The following CYRIA variants were observed in gnomAD, a reference collection of about 807,000 sequenced individuals.
CYRIA encodes CYFIP related Rac1 interactor A.
CYRIA carries 15 observed loss-of-function variants against 43.9 expected under a neutral mutation model. The ratio of observed to expected loss-of-function variants is 0.34; its 90% CI spans 0.23 to 0.53. CYRIA has a LOEUF of 0.53. CYRIA is among the 20% of genes least tolerant of loss of function. The probability of loss-of-function intolerance (pLI) is 0.94; values close to 1 mark genes in which losing one functional copy is unlikely to be tolerated. For synonymous variants in CYRIA, 117 were observed against 136.0 expected, an observed-to-expected ratio of 0.86 and a Z score of 0.97; for missense variants, 236 against 394.2, an observed-to-expected ratio of 0.60 and a Z score of 3.40.
chr2:16,665,708 G>T (rs1280160989), intron 1 of CYRIA, 72 bp downstream of exon 1: 2 of 146,002 alleles, frequency 1.4e-5, no homozygotes, highest in East Asian at 2.0e-4. Flanking sequence ...GCGGTGCCCC[G>T]TGCAGGCCGA....
chr2:16,556,198 A>T (rs1249936743), intron 10 of CYRIA, among the ~76,000 whole-genome samples: 1 of 152,088 alleles, frequency 6.6e-6, no homozygotes, highest in African/African-American at 2.4e-5. Flanking sequence ...TTACGGCCTG[A>T]TAGACCCTGA....
chr2:16,621,076 C>G (rs1668978034), intron 2 of CYRIA, among the ~76,000 whole-genome samples: 1 of 152,178 alleles, frequency 6.6e-6, no homozygotes, highest in Non-Finnish European at 1.5e-5. Context: ...CCTGGTAAAA[C>G]CAGAAGCAAC....
At chr2:16,611,454 C>A (rs1292560761) in intron 2 of CYRIA, among the ~76,000 whole-genome samples, 1 of 152,186 alleles carries the variant, frequency 6.6e-6, no homozygotes, top group Non-Finnish European at 1.5e-5. Flanking sequence ...TAAAACATGG[C>A]TCTTGCAGTA....
chr2:16,661,776 G>A (rs1670262124), intron 1 of CYRIA, among the ~76,000 whole-genome samples: 1 of 152,268 alleles, frequency 6.6e-6, no homozygotes, highest in Non-Finnish European at 1.5e-5. Flanking sequence ...GGCACAAAGA[G>A]CAAGCAGAAC....
At chr2:16,574,380 A>AG (rs1175707883) in intron 3 of CYRIA, among the ~76,000 whole-genome samples, 1 of 152,250 alleles carries the variant, frequency 6.6e-6, no homozygotes, top group Non-Finnish European at 1.5e-5. Context: ...GTGATAGAAA[A>AG]GAAAATCCCA....
intron 2 of CYRIA, among the ~76,000 whole-genome samples, chr2:16,605,892 G>A (rs1668380800): frequency 1.3e-5 from 2 of 152,162 alleles, no homozygotes; most frequent in Non-Finnish European, 2.9e-5. Flanking sequence ...TCTCCTTGCT[G>A]AGATACTTGG....
chr2:16,658,853 A>C (rs527599886), intron 1 of CYRIA, among the ~76,000 whole-genome samples: 17 of 152,190 alleles, frequency 1.1e-4, no homozygotes, highest in Non-Finnish European at 2.2e-4. Flanking sequence ...GTCACTCTGT[A>C]AGCTGAGAAC....
chr2:16,588,429 TAA>T (rs74552750), intron 2 of CYRIA, among the ~76,000 whole-genome samples: 1 of 140,262 alleles, frequency 7.1e-6, no homozygotes. Flanking sequence ...GTTCACCATA[TAA>T]AAAAAAAAAA....
intron 1 of CYRIA, among the ~76,000 whole-genome samples, chr2:16,662,599 C>T (rs76351857): frequency 0.025 from 3,809 of 152,282 alleles, 78 homozygotes; most frequent in Non-Finnish European, 0.041. Flanking sequence ...AAGTTGGAAC[C>T]GGAGACTTCT....
At chr2:16,630,526 T>C (rs10198461) in intron 1 of CYRIA, among the ~76,000 whole-genome samples, 29,105 of 152,054 alleles carry the variant, frequency 0.19, 3,536 homozygotes, top group East Asian at 0.52. Context: ...TTAAGGTGAG[T>C]GCACCCATGT....
intron 2 of CYRIA, among the ~76,000 whole-genome samples, chr2:16,614,718 G>A (rs1668720672): frequency 6.6e-6 from 1 of 152,200 alleles, no homozygotes; most frequent in Admixed American, 6.5e-5. Flanking sequence ...GTACTCAGTG[G>A]AAGATGGAAA....
intron 1 of CYRIA, among the ~76,000 whole-genome samples, chr2:16,628,357 C>G (rs1004043839): frequency 2.3e-4 from 35 of 152,284 alleles, no homozygotes; most frequent in Admixed American, 6.5e-4. Context: ...TCTGAACCAC[C>G]ATTTATCGGA....
intron 3 of CYRIA, among the ~76,000 whole-genome samples, chr2:16,584,478 T>C (rs1199563471): frequency 6.6e-6 from 1 of 152,206 alleles, no homozygotes; most frequent in Non-Finnish European, 1.5e-5. Flanking sequence ...CTTGGACTGC[T>C]CAAGCCCCCT....
chr2:16,588,123 A>G lies in CYRIA; in HGVS notation c.-4T>C. 1 of 1,603,060 alleles carries G rather than the reference A, an allele frequency of 6.2e-7. No homozygotes were observed. On this transcript the variant is annotated 5_prime_UTR_variant, in exon 3 of 12. Transcript: ENST00000381323. ...GGACTTTGAGCAGGTTTCCCATCCC[A>G]GCAAACCTAGGAAAGGCAACACAAA... is the stretch of plus-strand genomic sequence containing the variant.
At position 16,650,350 on chromosome 2, in the gene CYRIA, A is replaced by G. The variant is rs1375027968; in HGVS notation, c.-167+15430T>C. Among the ~76,000 whole-genome samples the G allele has an allele frequency of 6.6e-6, 1 of 152,206 alleles. No homozygotes were observed. The highest frequency in any genetic ancestry group is 1.9e-4 in the East Asian group (1 of 5,194). On this transcript the variant is annotated intron_variant, in intron 1 of 11. Coordinates refer to ENST00000381323, the MANE Select transcript of CYRIA (RefSeq NM_030797.4). This position sits in a 1 kb window ranked among gnomAD's most constrained non-coding sequence, Gnocchi z 4.1. Reference sequence around the variant, plus strand: ...ACCAAAAAGAGGAGCAAAGCTATATACTCAGCTGAATGAGTATATAGTATA... The same window carrying G: ...ACCAAAAAGAGGAGCAAAGCTATATGCTCAGCTGAATGAGTATATAGTATA...
At chr2:16,660,753 T>C (rs1012415475) in intron 1 of CYRIA, among the ~76,000 whole-genome samples, 1 of 152,226 alleles carries the variant, frequency 6.6e-6, no homozygotes, top group African/African-American at 2.4e-5. Context: ...GAATTTTTAT[T>C]AGAAAGTGAA....
chr2:16,636,530 C>T (rs370999722), intron 1 of CYRIA, among the ~76,000 whole-genome samples: 1 of 152,160 alleles, frequency 6.6e-6, no homozygotes, highest in East Asian at 1.9e-4. Context: ...CCAACTGCCC[C>T]AGGCCCGGTC....
At chr2:16,576,872 A>C (rs13421254) in intron 3 of CYRIA, among the ~76,000 whole-genome samples, 12,455 of 152,286 alleles carry the variant, frequency 0.082, 653 homozygotes, top group African/African-American at 0.14. Context: ...AACAACGTGA[A>C]TGAACCTTGA....
chr2:16,591,951 G>A (rs1036945351), intron 2 of CYRIA, among the ~76,000 whole-genome samples: 3 of 152,032 alleles, frequency 2.0e-5, no homozygotes, highest in Non-Finnish European at 2.9e-5. Flanking sequence ...TTTCTAAGTT[G>A]AAGTCCTACT....
Sources: gnomAD v4.1 joint callset for allele counts (sites outside exome capture counted in the v4.1 genomes callset) on GRCh38, gnomAD v4.1.1 for gene constraint, Gnocchi (gnomAD v3.1) non-coding constraint, MANE v1.5 for transcripts, NCBI Gene and HGNC (gene_info 2026-07-23, HGNC 2026-07-21) for gene names.